The following CFAP299 variants were observed in gnomAD, a reference collection of about 807,000 sequenced individuals.
The protein encoded by CFAP299 is cilia- and flagella-associated protein 299.
Under a neutral mutation model 27.0 loss-of-function variants are expected in CFAP299, and 21 were observed. The ratio of observed to expected loss-of-function variants is 0.78; its 90% CI spans 0.55 to 1.12. The LOEUF is 1.12. Among genes scored for constraint, CFAP299 ranks in the 50% most tolerant of loss-of-function variants. The pLI, the probability that CFAP299 is intolerant of heterozygous loss-of-function variation, is 0.00. For missense variants in CFAP299, 310 were observed against 276.6 expected, an observed-to-expected ratio of 1.12 and a Z score of -0.86; for synonymous variants, 104 against 98.1, an observed-to-expected ratio of 1.06 and a Z score of -0.36.
intron 2 of CFAP299, among the ~76,000 whole-genome samples, chr4:80,459,623 G>A (rs1729340429): frequency 6.6e-6 from 1 of 151,998 alleles, no homozygotes; most frequent in Admixed American, 6.6e-5. Context: ...GGTTGCTGTA[G>A]ACCTGTACAA....
chr4:80,722,409 C>T lies in CFAP299; in HGVS notation c.333+139226C>T, dbSNP rs371804852. Reference sequence around the variant, plus strand: ...TCCAGCCTGGGCAACAAGAGTGAAACTCCATCTCAAAAAAAAAAAAGAAAA... The same window carrying T: ...TCCAGCCTGGGCAACAAGAGTGAAATTCCATCTCAAAAAAAAAAAAGAAAA... On this transcript the variant is annotated intron_variant, in intron 3 of 5. Coordinates refer to ENST00000358105, the MANE Select transcript of CFAP299 (RefSeq NM_152770.3). Among the ~76,000 whole-genome samples the T allele has an allele frequency of 2.7e-5, 4 of 147,414 alleles. No individual in the cohort carries two copies. The South Asian group carries it at 6.4e-4, about 24-fold the overall frequency.
chr4:80,635,201 T>C (rs1180171820), intron 3 of CFAP299, among the ~76,000 whole-genome samples: 1 of 152,142 alleles, frequency 6.6e-6, no homozygotes, highest in African/African-American at 2.4e-5. Flanking sequence ...TTTTCATTTA[T>C]GACATTTCAG....
chr4:80,606,313 G>A (rs1160572524), intron 3 of CFAP299, among the ~76,000 whole-genome samples: 1 of 152,134 alleles, frequency 6.6e-6, no homozygotes. Flanking sequence ...AAGGCGGGTG[G>A]ATCACAAGGT....
chr4:80,789,513 T>A (rs1489307804), intron 3 of CFAP299, among the ~76,000 whole-genome samples: 1 of 152,084 alleles, frequency 6.6e-6, no homozygotes, highest in Admixed American at 6.6e-5. Context: ...ATTTTGTTAA[T>A]ATGTTGATAA....
intron 2 of CFAP299, among the ~76,000 whole-genome samples, chr4:80,464,065 T>C (rs1729590545): frequency 6.6e-6 from 1 of 151,562 alleles, no homozygotes; most frequent in Non-Finnish European, 1.5e-5. Flanking sequence ...ACAAGAAAAC[T>C]CATTTTGACT....
At chr4:80,845,853 A>G (rs1482114548) in intron 3 of CFAP299, among the ~76,000 whole-genome samples, 2 of 152,182 alleles carry the variant, frequency 1.3e-5, no homozygotes, top group Admixed American at 6.5e-5. Flanking sequence ...CAAATAAAGG[A>G]TTACTAATAA....
intron 3 of CFAP299, among the ~76,000 whole-genome samples, chr4:80,672,907 A>G (rs1004673962): frequency 1.3e-5 from 2 of 148,532 alleles, no homozygotes; most frequent in African/African-American, 4.9e-5. Context: ...CTTCTTTATT[A>G]GTCTTGTTAG....
chr4:80,393,488 C>A (rs1258687519), intron 2 of CFAP299, among the ~76,000 whole-genome samples: 1 of 152,132 alleles, frequency 6.6e-6, no homozygotes, highest in Non-Finnish European at 1.5e-5. Context: ...GTCCTGTAAG[C>A]CCCATTCATA....
At chr4:80,499,256 A>G (rs1484978165) in intron 2 of CFAP299, among the ~76,000 whole-genome samples, 1 of 152,200 alleles carries the variant, frequency 6.6e-6, no homozygotes, top group African/African-American at 2.4e-5. Flanking sequence ...GCTGGAAAAA[A>G]GAAAAAATAA....
chr4:80,571,136 A>T (rs559540674), intron 2 of CFAP299, among the ~76,000 whole-genome samples: 1 of 152,214 alleles, frequency 6.6e-6, no homozygotes, highest in South Asian at 2.1e-4. Flanking sequence ...GTAGTTAGCC[A>T]TGCTGTAGGA....
chr4:80,701,078 A>G (rs968966062), intron 3 of CFAP299, among the ~76,000 whole-genome samples: 9 of 152,046 alleles, frequency 5.9e-5, no homozygotes, highest in African/African-American at 2.2e-4. Context: ...ACCCAAGTTC[A>G]TATTTTTAAG....
intron 4 of CFAP299, among the ~76,000 whole-genome samples, chr4:80,916,516 G>A (rs901242938): frequency 2.0e-5 from 3 of 151,712 alleles, no homozygotes; most frequent in African/African-American, 7.3e-5. Flanking sequence ...GCAGCCTCAA[G>A]CATAGGTCTA....
At chr4:80,812,615 T>A (rs1489167448) in intron 3 of CFAP299, among the ~76,000 whole-genome samples, 3 of 152,128 alleles carry the variant, frequency 2.0e-5, no homozygotes. Context: ...TATGAACTAA[T>A]GTAGAACTTG....
intron 4 of CFAP299, among the ~76,000 whole-genome samples, chr4:80,897,830 C>T (rs973010038): frequency 6.6e-6 from 1 of 152,196 alleles, no homozygotes; most frequent in Non-Finnish European, 1.5e-5. Flanking sequence ...CCTGTGAGAG[C>T]TTCTGATTAG....
rs1260756177 is a variant in CFAP299 at position 80,573,555 on chromosome 4, A to AT, written c.243-9534dup. On this transcript the variant is annotated intron_variant, in intron 2 of 5. Coordinates refer to ENST00000358105, the MANE Select transcript of CFAP299 (RefSeq NM_152770.3). ...CTTTGCCCAGATCAATGTCCCAGAG[A>AT]TTTTCTCCAGTGTTTTCTTGTAGTA... 6.6e-5 allele frequency among the ~76,000 whole-genome samples: 10 copies of AT among 151,992 alleles called. No individual in the cohort carries two copies. The South Asian group carries it at 1.9e-3, about 28-fold the overall frequency.
At chr4:80,449,317 CATT>C (rs1326438922) in intron 2 of CFAP299, among the ~76,000 whole-genome samples, 15 of 151,830 alleles carry the variant, frequency 9.9e-5, no homozygotes, top group African/African-American at 3.6e-4. Flanking sequence ...TGAATTTTCA[CATT>C]GTTATTTCAT....
chr4:80,477,783 T>C (rs1245292155), intron 2 of CFAP299, among the ~76,000 whole-genome samples: 2 of 152,204 alleles, frequency 1.3e-5, no homozygotes, highest in East Asian at 3.8e-4. Flanking sequence ...GATTCTATGG[T>C]CCATCATTAT....
At chr4:80,747,606 G>T (rs530654165) in intron 3 of CFAP299, among the ~76,000 whole-genome samples, 1 of 152,130 alleles carries the variant, frequency 6.6e-6, no homozygotes. Context: ...TGTTTACATT[G>T]TGATTCTCCA....
rs183106383 is a variant in CFAP299 at position 80,390,019 on chromosome 4, A to G, written c.242+27135A>G. Among the ~76,000 whole-genome samples, 42 of 152,280 alleles carry G rather than the reference A, an allele frequency of 2.8e-4. No homozygotes were observed. The East Asian group carries it at 6.7e-3, about 24-fold the overall frequency. ...TATTGAGGTATAACTGACAAAAATT[A>G]TACATATTTATAGTATGCAATGTGA... is the stretch of plus-strand genomic sequence containing the variant. On this transcript the variant is annotated intron_variant, in intron 2 of 5. Transcript: ENST00000358105.
Sources: allele counts gnomAD v4.1 joint callset (sites outside exome capture counted in the v4.1 genomes callset), GRCh38; gene constraint gnomAD v4.1.1; transcripts MANE v1.5; gene names NCBI Gene and HGNC (gene_info 2026-07-23, HGNC 2026-07-21).